TNRC6B: variants seen among roughly 807,000 people sequenced by gnomAD.
TNRC6B encodes trinucleotide repeat containing adaptor 6B.
A neutral mutation model predicts 203.6 loss-of-function variants in TNRC6B; 52 were observed. The observed-to-expected ratio is 0.26, with a 90% CI of 0.20 to 0.32. TNRC6B has a LOEUF of 0.32. Ranked by LOEUF, TNRC6B falls within the 10% of genes least tolerant of loss-of-function variation. The pLI, the probability that TNRC6B is intolerant of heterozygous loss-of-function variation, is 1.00. For synonymous variants in TNRC6B, 838 were observed against 845.7 expected, an observed-to-expected ratio of 0.99 and a Z score of 0.16; for missense variants, 1,923 against 2,286.2, an observed-to-expected ratio of 0.84 and a Z score of 3.24.
At chr22:40,175,612 A>G (rs1288957130), upstream of TNRC6B, among the ~76,000 whole-genome samples, 1 of 152,234 alleles carries the variant, frequency 6.6e-6, no homozygotes, top group East Asian at 1.9e-4. Context: ...CATTTTTACA[A>G]ATCGAGCCAG....
intron 1 of TNRC6B, among the ~76,000 whole-genome samples, chr22:40,059,674 A>C (rs1288620114): frequency 1.3e-5 from 2 of 152,044 alleles, no homozygotes; most frequent in Non-Finnish European, 2.9e-5. Flanking sequence ...AGATTGTTTC[A>C]TTGGATGTGC....
rs2071370990 is a variant in TNRC6B at position 40,323,826 on chromosome 22, G to GATAA, written c.*589_*592dup. ...GGAAAAAATTTGTGATTGGCTGGTT[G>GATAA]ATAAATACCAGTGTGTTCTGGCACA... On this transcript the variant is annotated 3_prime_UTR_variant, in exon 23 of 23. Transcript: ENST00000454349. 1 of 152,580 alleles carries GATAA rather than the reference G, an allele frequency of 6.6e-6. No homozygotes were observed. The highest frequency in any genetic ancestry group is 1.5e-5 in the Non-Finnish European group (1 of 68,558). The allele number at this position is 152,580 out of a possible 1,614,324, so 9.5% of individuals were successfully genotyped here. A position where few individuals can be genotyped will look rare whatever the true frequency, so the allele number is the denominator to read the frequency against.
chr22:40,235,844 G>T (rs2069940155), intron 1 of TNRC6B, among the ~76,000 whole-genome samples: 2 of 152,156 alleles, frequency 1.3e-5, no homozygotes, highest in African/African-American at 4.8e-5. Flanking sequence ...GGGACTAAAT[G>T]ATTTCTCAAA....
chr22:40,236,047 T>C (rs1473564639), intron 1 of TNRC6B, among the ~76,000 whole-genome samples: 19 of 152,188 alleles, frequency 1.2e-4, no homozygotes, highest in Non-Finnish European at 2.6e-4. Flanking sequence ...ATTCCAACAA[T>C]GGTAACTTCT....
At chr22:40,300,690 G>C in intron 13 of TNRC6B, 104 bp downstream of exon 13, 1 of 1,439,364 alleles carries the variant, frequency 6.9e-7, no homozygotes, top group Non-Finnish European at 9.3e-7. Context: ...TATGTTCAAA[G>C]GGTGCTAGTC....
At chr22:40,255,295 G>A (rs2070255431) in intron 3 of TNRC6B, among the ~76,000 whole-genome samples, 1 of 152,172 alleles carries the variant, frequency 6.6e-6, no homozygotes, top group Non-Finnish European at 1.5e-5. Context: ...TTTGCCACTG[G>A]GACACAGCTG....
At chr22:40,248,210 GC>G (rs1301751875) in intron 2 of TNRC6B, among the ~76,000 whole-genome samples, 1 of 152,184 alleles carries the variant, frequency 6.6e-6, no homozygotes, top group Non-Finnish European at 1.5e-5. Flanking sequence ...TTGTAGCATT[GC>G]CCCTGTGGTT....
chr22:40,086,434 G>A (rs2068100274), intron 1 of TNRC6B, among the ~76,000 whole-genome samples: 1 of 152,130 alleles, frequency 6.6e-6, no homozygotes, highest in African/African-American at 2.4e-5. Flanking sequence ...CTTGACTAGT[G>A]AGAGGAGCCC....
At chr22:40,220,584 CT>C (rs1219857035) in intron 1 of TNRC6B, among the ~76,000 whole-genome samples, 19 of 152,138 alleles carry the variant, frequency 1.2e-4, no homozygotes, top group Admixed American at 1.2e-3. Context: ...ATCACTGTAT[CT>C]TCTTAGAAAT....
chr22:40,138,749 T>C (rs2068621564), intron 3 of TNRC6B, among the ~76,000 whole-genome samples: 1 of 152,072 alleles, frequency 6.6e-6, no homozygotes, highest in South Asian at 2.1e-4. Flanking sequence ...GGCTCAAGTA[T>C]AGAACTGTAG....
At chr22:40,294,475 C>G (rs1454260449) in intron 12 of TNRC6B, among the ~76,000 whole-genome samples, 1 of 152,184 alleles carries the variant, frequency 6.6e-6, no homozygotes, top group African/African-American at 2.4e-5. Context: ...TTCAGTATGA[C>G]TTCGTCTTAA....
chr22:40,045,809 C>A (rs2067682988), intron 1 of TNRC6B, among the ~76,000 whole-genome samples: 1 of 152,202 alleles, frequency 6.6e-6, no homozygotes, highest in African/African-American at 2.4e-5. Context: ...CAGTAACGGT[C>A]ACCTCTAGTC....
chr22:40,229,114 C>A (rs575478350), intron 1 of TNRC6B, among the ~76,000 whole-genome samples: 1 of 152,066 alleles, frequency 6.6e-6, no homozygotes, highest in Non-Finnish European at 1.5e-5. Context: ...TATTACTGAT[C>A]GAAGGAAAGT....
At position 40,234,009 on chromosome 22, in the gene TNRC6B, G is replaced by A. The variant is rs147166288; in HGVS notation, c.6-12006G>A. Among the ~76,000 whole-genome samples the A allele has an allele frequency of 1.1e-3, 174 of 152,330 alleles. 1 individual carries two copies. Among genetic ancestry groups the A allele is most frequent in the African/African-American group, 4.0e-3 (168 of 41,584 alleles). Reference sequence around the variant, plus strand: ...TTAATCTAAAATACCTTCCCAGGCCGAGTGCGGTGCTCACACCTGTAATCC... The same window carrying A: ...TTAATCTAAAATACCTTCCCAGGCCAAGTGCGGTGCTCACACCTGTAATCC... On this transcript the variant is annotated intron_variant, in intron 1 of 22. Coordinates refer to ENST00000454349, the MANE Select transcript of TNRC6B (RefSeq NM_001162501.2).
intron 1 of TNRC6B, among the ~76,000 whole-genome samples, chr22:40,103,844 T>C (rs1048078928): frequency 3.3e-5 from 5 of 151,766 alleles, no homozygotes; most frequent in Non-Finnish European, 5.9e-5. Flanking sequence ...GGTTTCGCCA[T>C]GTTGACCAGG....
intron 15 of TNRC6B, among the ~76,000 whole-genome samples, chr22:40,307,804 C>A (rs1055556667): frequency 2.6e-5 from 4 of 152,174 alleles, no homozygotes; most frequent in East Asian, 1.9e-4. Context: ...GCTGCCAATT[C>A]TCTTCCTAAA....
At chr22:40,280,312 G>T (rs1220751650) in intron 10 of TNRC6B, among the ~76,000 whole-genome samples, 169 bp downstream of exon 10, 1 of 152,338 alleles carries the variant, frequency 6.6e-6, no homozygotes, top group Middle Eastern at 3.4e-3. Context: ...ATGTCAACAG[G>T]TGATCAGGCA....
intron 3 of TNRC6B, among the ~76,000 whole-genome samples, chr22:40,258,071 CTTTTTTTTTTTT>C (rs56078653): frequency 4.9e-4 from 14 of 28,714 alleles, no homozygotes; most frequent in South Asian, 1.7e-3. Context: ...GATACACAGC[CTTTTTTTTTTTT>C]TTTTTTTTTT....
chr22:40,311,194 T>G (rs777761624), intron 17 of TNRC6B, among the ~76,000 whole-genome samples: 22 of 152,192 alleles, frequency 1.4e-4, no homozygotes, highest in Non-Finnish European at 2.8e-4. Context: ...TGGGGATAAG[T>G]GACATTGTAG....
Sources: allele counts gnomAD v4.1 joint callset (sites outside exome capture counted in the v4.1 genomes callset), GRCh38; gene constraint gnomAD v4.1.1; transcripts MANE v1.5; gene names NCBI Gene and HGNC (gene_info 2026-07-23, HGNC 2026-07-21).